ZNF451: variants seen among roughly 807,000 people sequenced by gnomAD.
ZNF451 encodes zinc finger protein 451.
ZNF451 carries 80 observed loss-of-function variants against 107.1 expected under a neutral mutation model. The ratio of observed to expected loss-of-function variants is 0.75; its 90% CI spans 0.62 to 0.90. The LOEUF (loss-of-function observed/expected upper bound fraction) is 0.90. ZNF451 is among the 40% of genes least tolerant of loss of function. ZNF451 has a pLI of 0.00. For synonymous variants in ZNF451, 362 were observed against 406.5 expected, an observed-to-expected ratio of 0.89 and a Z score of 1.32; for missense variants, 1,107 against 1,236.2, an observed-to-expected ratio of 0.90 and a Z score of 1.57.
At chr6:57,092,676 A>G (rs1829104731) in intron 2 of ZNF451, 1 of 152,216 alleles carries the variant, frequency 6.6e-6, no homozygotes, top group South Asian at 2.1e-4. Context: ...TTCAGTAAAG[A>G]TGAAAAAGTT....
intron 13 of ZNF451, among the ~76,000 whole-genome samples, chr6:57,155,818 C>CTTT (rs528621372): frequency 9.3e-6 from 1 of 107,284 alleles, no homozygotes. Flanking sequence ...TCTAGGTATT[C>CTTT]TTTTTTTTTT....
chr6:57,143,610 T>C (rs1831895348), intron 9 of ZNF451, among the ~76,000 whole-genome samples: 1 of 152,242 alleles, frequency 6.6e-6, no homozygotes, highest in Admixed American at 6.5e-5. Flanking sequence ...TGATAAGTTG[T>C]GTTTTCATTT....
intron 3 of ZNF451, chr6:57,104,609 A>G (rs913294758): frequency 6.1e-6 from 6 of 985,362 alleles, no homozygotes; most frequent in Admixed American, 1.2e-4. Context: ...TGGTTAAAAA[A>G]AAAGAAAAAA....
intron 3 of ZNF451, chr6:57,109,155 T>G (rs1830000433): frequency 1.0e-6 from 1 of 985,358 alleles, no homozygotes; most frequent in Non-Finnish European, 1.2e-6. Flanking sequence ...CCCATTGAGA[T>G]TTCACTGCTG....
At chr6:57,099,976 G>A (rs572197314) in intron 3 of ZNF451, among the ~76,000 whole-genome samples, 41 of 152,280 alleles carry the variant, frequency 2.7e-4, no homozygotes, top group Admixed American at 1.8e-3. Flanking sequence ...TTTAGCCTCC[G>A]TTTTTTAATC....
At chr6:57,108,388 A>G in intron 3 of ZNF451, 1 of 985,400 alleles carries the variant, frequency 1.0e-6, no homozygotes, top group Non-Finnish European at 1.2e-6. Context: ...ACCTTGATTT[A>G]TAAATGTAGT....
chr6:57,099,166 G>T, intron 3 of ZNF451, 25 bp downstream of exon 3: 1 of 1,540,854 alleles, frequency 6.5e-7, no homozygotes, highest in Non-Finnish European at 9.0e-7. Context: ...TTTGATTTGT[G>T]TTTCTTCACT....
chr6:57,147,515 A>G lies in ZNF451; in HGVS notation c.1430A>G (p.Asn477Ser), dbSNP rs758934788. 30 of 1,614,136 alleles carry G rather than the reference A, an allele frequency of 1.9e-5. No individual in the cohort carries two copies. The highest frequency in any genetic ancestry group is 1.5e-4 in the South Asian group (14 of 91,086). ...SVVKTWFCEC[N>S]QRFPSEDAVE... ...GTTAAAACCTGGTTCTGTGAATGCA[A>G]TCAGCGATTCCCAAGTGAAGATGCA... Residue 477 changes from asparagine (N) to serine (S), a missense_variant, in exon 10 of 15, where the codon AAT becomes AGT. By Grantham distance (46) the Asn-to-Ser change is conservative (BLOSUM62 1). This residue lies in a region of ZNF451 where 608 missense variants were observed against 649.2 expected (regional missense o/e 0.94). Transcript: ENST00000370706.
chr6:57,151,066 T>C (rs1043015606), intron 11 of ZNF451: 7 of 567,490 alleles, frequency 1.2e-5, no homozygotes, highest in Non-Finnish European at 2.0e-5. Flanking sequence ...TGACTCAAAG[T>C]TTATGGATCT....
chr6:57,168,496 G>A lies in ZNF451; in HGVS notation c.*27G>A. The A allele has an allele frequency of 6.3e-7, 1 of 1,590,174 alleles. No individual in the cohort carries two copies. The highest frequency in any genetic ancestry group is 8.6e-7 in the Non-Finnish European group (1 of 1,162,384). ...TAAAGATATTACCACACAACATCAA[G>A]TGGCCTTGAAGAGACTGAGATAACG... On this transcript the variant is annotated 3_prime_UTR_variant, in exon 15 of 15. Coordinates refer to ENST00000370706, the MANE Select transcript of ZNF451 (RefSeq NM_001031623.3).
chr6:57,167,322 A>G (rs1204858084), intron 14 of ZNF451, among the ~76,000 whole-genome samples: 1 of 152,146 alleles, frequency 6.6e-6, no homozygotes, highest in Admixed American at 6.5e-5. Context: ...TGAGCTGTCT[A>G]TGCTGTTCCT....
At chr6:57,103,298 A>G (rs930594495) in intron 3 of ZNF451, 3 of 985,464 alleles carry the variant, frequency 3.0e-6, no homozygotes, top group Non-Finnish European at 3.6e-6. Context: ...GTTTCTGGAT[A>G]TCTAAGTGAT....
intron 13 of ZNF451, 140 bp downstream of exon 13, chr6:57,154,187 C>CT: frequency 1.3e-6 from 1 of 783,498 alleles, no homozygotes; most frequent in Non-Finnish European, 2.0e-6. Context: ...TCTTACTTAT[C>CT]TTTTTTAAAA....
At chr6:57,107,611 CTTAAAG>C (rs1829925024) in intron 3 of ZNF451, 3 of 985,094 alleles carry the variant, frequency 3.0e-6, no homozygotes, top group Non-Finnish European at 3.6e-6. Flanking sequence ...TCTGATATAT[CTTAAAG>C]TTAACCCGTT....
intron 7 of ZNF451, 51 bp from the exon 8 acceptor site, chr6:57,141,251 C>A: frequency 1.4e-6 from 2 of 1,412,352 alleles, no homozygotes; most frequent in Non-Finnish European, 1.9e-6. Flanking sequence ...TTTTCAAGAA[C>A]TTGAGTGTTT....
intron 3 of ZNF451, chr6:57,107,516 C>T: frequency 1.0e-6 from 1 of 984,570 alleles, no homozygotes; most frequent in Non-Finnish European, 1.2e-6. Context: ...TACATGTTCA[C>T]ACAAGTTTAT....
intron 3 of ZNF451, chr6:57,101,632 A>C (rs1304136107): frequency 3.2e-6 from 5 of 1,550,764 alleles, no homozygotes; most frequent in Non-Finnish European, 4.4e-6. Context: ...CTGGGAAGAC[A>C]TGGAAGATCT....
chr6:57,112,188 A>G (rs948926416), intron 3 of ZNF451, among the ~76,000 whole-genome samples: 4 of 152,180 alleles, frequency 2.6e-5, no homozygotes, highest in African/African-American at 9.6e-5. Context: ...GCTTCTGGTA[A>G]ACAGAACTTT....
At chr6:57,100,030 G>T (rs1829518880) in intron 3 of ZNF451, among the ~76,000 whole-genome samples, 2 of 152,174 alleles carry the variant, frequency 1.3e-5, no homozygotes, top group Admixed American at 1.3e-4. Context: ...ATGAAATGAG[G>T]TAACAAATTA....
Sources: gnomAD v4.1 joint callset for allele counts (sites outside exome capture counted in the v4.1 genomes callset) on GRCh38, gnomAD v4.1.1 for gene constraint, gnomAD v4.1.1 regional missense constraint, MANE v1.5 for transcripts, NCBI Gene and HGNC (gene_info 2026-07-23, HGNC 2026-07-21) for gene names.